Variants in FARSB observed in about 807,000 individuals in gnomAD.
The protein encoded by FARSB is phenylalanine--tRNA ligase beta subunit.
In FARSB, 40 loss-of-function variants were observed where a neutral mutation model predicts 69.6. The ratio of observed to expected loss-of-function variants is 0.57; its 90% CI spans 0.45 to 0.75. FARSB has a LOEUF of 0.75. Among genes scored for constraint, FARSB ranks in the 30% least tolerant of loss-of-function variants. The pLI is 0.00. For missense variants in FARSB, 632 were observed against 722.9 expected (o/e 0.87, Z 1.44); for synonymous variants, 235 against 247.2 (o/e 0.95, Z 0.46).
rs372188174 is a variant in FARSB, at chr2:222,631,672, C to A, written c.718G>T (p.Asp240Tyr). Residue 240 changes from aspartate to tyrosine, a missense_variant and splice_region_variant, in exon 8 of 17, where the codon GAT becomes TAT. By Grantham distance (160) the Asp-to-Tyr change is radical. Transcript: ENST00000281828. ...GTATTTACTGTTATTCTGGAATGAT[C>A]CCCTGCAATGAACACAAAACAATAA... ...VLSMPPIINGDHSRITVNTRN... is the reference protein window; with the variant it reads ...VLSMPPIINGYHSRITVNTRN... 2 of 1,533,466 alleles carry A rather than the reference C, an allele frequency of 1.3e-6. No homozygotes were observed. Among genetic ancestry groups the A allele is most frequent in the Middle Eastern group, 1.7e-4 (1 of 5,888 alleles). The allele number at this position is 1,533,466 out of a possible 1,614,324, so 95.0% of individuals were successfully genotyped here. A position where few individuals can be genotyped will look rare whatever the true frequency, so the allele number is the denominator to read the frequency against.
At chr2:222,613,968 C>T in intron 14 of FARSB, 40 bp from the exon 15 acceptor site, 1 of 1,218,098 alleles carries the variant, frequency 8.2e-7, no homozygotes, top group Non-Finnish European at 1.2e-6. Context: ...CCAAATAGGA[C>T]CCAAACAAAG....
chr2:222,627,675 T>C (rs1156585852), intron 10 of FARSB, among the ~76,000 whole-genome samples: 2 of 152,264 alleles, frequency 1.3e-5, no homozygotes, highest in African/African-American at 2.4e-5. Context: ...ATTGCCTATA[T>C]AATTTCAGTT....
chr2:222,602,586 A>G (rs1192806935), intron 15 of FARSB, among the ~76,000 whole-genome samples: 2 of 150,532 alleles, frequency 1.3e-5, no homozygotes, highest in Non-Finnish European at 3.0e-5. Context: ...TTTTTTTTTT[A>G]TACCATATTA....
In FARSB at chr2:222,594,014, C is replaced by T. The variant is rs142945965; in HGVS notation, c.1618+5914G>A. ...GCTCACACCTATAATCTCAACACTT[C>T]GGGAGGCCAAGGCAGGTGGATTGTT... On this transcript the variant is annotated intron_variant, in intron 16 of 16. Transcript: ENST00000281828. Among the ~76,000 whole-genome samples, 220 of 137,674 alleles carry T rather than the reference C, an allele frequency of 1.6e-3. 1 individual carries two copies. The Admixed American group carries it at 0.016, about 10-fold the overall frequency. 90.3% of individuals were successfully genotyped at this position (137,674 alleles called of 152,430 possible). A position where few individuals can be genotyped will look rare whatever the true frequency, so the allele number is the denominator to read the frequency against.
At chr2:222,652,908 TATC>T (rs1424214481) in intron 1 of FARSB, among the ~76,000 whole-genome samples, 1 of 152,234 alleles carries the variant, frequency 6.6e-6, no homozygotes, top group African/African-American at 2.4e-5. Flanking sequence ...GAATCCTAAT[TATC>T]ATATGTTTTA....
intron 16 of FARSB, among the ~76,000 whole-genome samples, chr2:222,593,986 G>C (rs951571906): frequency 7.3e-5 from 11 of 151,008 alleles, no homozygotes; most frequent in Non-Finnish European, 1.5e-4. Flanking sequence ...GCTGGGCGTG[G>C]TGGCTCACAC....
chr2:222,587,765 G>A (rs182024448), intron 16 of FARSB, among the ~76,000 whole-genome samples: 1 of 152,102 alleles, frequency 6.6e-6, no homozygotes, highest in Non-Finnish European at 1.5e-5. Flanking sequence ...TAGAAGAAAT[G>A]GATAAATTCC....
At chr2:222,589,646 A>T (rs1334110839) in intron 16 of FARSB, among the ~76,000 whole-genome samples, 1 of 152,114 alleles carries the variant, frequency 6.6e-6, no homozygotes, top group Non-Finnish European at 1.5e-5. Flanking sequence ...GAATCTACAA[A>T]GAACTTAAAC....
At chr2:222,623,295 G>A (rs1486464659) in intron 13 of FARSB, among the ~76,000 whole-genome samples, 4 of 152,102 alleles carry the variant, frequency 2.6e-5, no homozygotes, top group Non-Finnish European at 5.9e-5. Flanking sequence ...TACCCAGGAC[G>A]GCATCTAGTG....
chr2:222,607,115 T>C (rs1690720548), intron 15 of FARSB, among the ~76,000 whole-genome samples: 1 of 152,190 alleles, frequency 6.6e-6, no homozygotes, highest in Non-Finnish European at 1.5e-5. Context: ...CCTAAATGAT[T>C]CACAAATGCA....
chr2:222,598,833 C>G (rs1383028597), intron 16 of FARSB, among the ~76,000 whole-genome samples: 1 of 152,080 alleles, frequency 6.6e-6, no homozygotes, highest in Admixed American at 6.5e-5. Context: ...CTCCAAAATC[C>G]AGTTCTAACA....
chr2:222,646,790 G>A (rs763197586), intron 2 of FARSB, among the ~76,000 whole-genome samples: 14 of 152,156 alleles, frequency 9.2e-5, no homozygotes, highest in Non-Finnish European at 1.3e-4. Context: ...TTCTTCTGCC[G>A]TATGTTTTAC....
At chr2:222,579,562 C>T (rs1689919185) in intron 16 of FARSB, among the ~76,000 whole-genome samples, 1 of 152,170 alleles carries the variant, frequency 6.6e-6, no homozygotes, top group Admixed American at 6.5e-5. Context: ...GGGACACCAT[C>T]TACAAAGGCA....
intron 14 of FARSB, 26 bp downstream of exon 14, chr2:222,619,615 CATGA>C: frequency 8.9e-7 from 1 of 1,126,552 alleles, no homozygotes; most frequent in Non-Finnish European, 1.4e-6. Flanking sequence ...TAGGTTTTTA[CATGA>C]ATTCTCACCT....
rs147075894 is a variant in FARSB at position 222,648,785 on chromosome 2, T to C, written c.69A>G (p.Glu23=). 50 of 1,601,978 alleles carry C rather than the reference T, an allele frequency of 3.1e-5. No individual in the cohort carries two copies. The African/African-American group carries it at 6.0e-4, about 19-fold the overall frequency. Reference sequence around the variant, plus strand: ...CAAATTCAAAACATAGTTCATCAAATTCTTCGTCAGCTAGGAAAATAAAAA... The same window carrying C: ...CAAATTCAAAACATAGTTCATCAAACTCTTCGTCAGCTAGGAAAATAAAAA... ...QALGRTYTDE[E]FDELCFEFGL... Residue 23 remains glutamate (E), a synonymous_variant, in exon 2 of 17, where the codon GAA becomes GAG. Transcript: ENST00000281828.
At chr2:222,624,652 A>G (rs79254244) in intron 11 of FARSB, 62 bp downstream of exon 11, 3 of 890,924 alleles carry the variant, frequency 3.4e-6, no homozygotes, top group South Asian at 1.9e-5. Context: ...GAAGGATCGC[A>G]AAAAAAAAAT....
chr2:222,614,181 G>A lies in FARSB; in HGVS notation c.1345-253C>T, dbSNP rs551110605. ...TCATAAATTTGATTAAAAAATAAACGAGAAACAAATACAACCTAAATATGT... is the reference window on the plus strand; with the variant it reads ...TCATAAATTTGATTAAAAAATAAACAAGAAACAAATACAACCTAAATATGT... On this transcript the variant is annotated intron_variant, in intron 14 of 16. Coordinates refer to ENST00000281828, the MANE Select transcript of FARSB (RefSeq NM_005687.5). Among the ~76,000 whole-genome samples, 10 of 152,166 alleles carry A rather than the reference G, an allele frequency of 6.6e-5. No homozygotes were observed. In the South Asian group the frequency reaches 1.0e-3, roughly 16 times the overall value.
At chr2:222,630,089 A>G (rs1691379209) in intron 9 of FARSB, 24 bp downstream of exon 9, 1 of 1,424,748 alleles carries the variant, frequency 7.0e-7, no homozygotes, top group Non-Finnish European at 9.7e-7. Flanking sequence ...ATGGGCCATC[A>G]ATAAAGGTGC....
chr2:222,601,156 AG>A (rs138667772), intron 15 of FARSB, among the ~76,000 whole-genome samples: 257 of 152,320 alleles, frequency 1.7e-3, no homozygotes, highest in African/African-American at 5.9e-3. Flanking sequence ...TGAGTATAAA[AG>A]TTTAGCCATG....
Sources: allele counts gnomAD v4.1 joint callset (sites outside exome capture counted in the v4.1 genomes callset), GRCh38; gene constraint gnomAD v4.1.1; transcripts MANE v1.5; gene names NCBI Gene and HGNC (gene_info 2026-07-23, HGNC 2026-07-21).